Variants in PPM1L observed in about 807,000 individuals in gnomAD.
PPM1L encodes the protein protein phosphatase 1L.
PPM1L carries 13 observed loss-of-function variants against 31.4 expected under a neutral mutation model. The ratio of observed to expected loss-of-function variants is 0.41; its 90% CI spans 0.27 to 0.66. PPM1L has a LOEUF of 0.66. Ranked by LOEUF, PPM1L falls within the 30% of genes least tolerant of loss-of-function variation. The pLI, the probability that PPM1L is intolerant of heterozygous loss-of-function variation, is 0.29. For missense variants in PPM1L, 326 were observed against 453.7 expected (o/e 0.72, Z 2.56); for synonymous variants, 184 against 175.4 (o/e 1.05, Z -0.39).
chr3:160,792,644 A>T (rs959879231), intron 1 of PPM1L, among the ~76,000 whole-genome samples: 1 of 152,220 alleles, frequency 6.6e-6, no homozygotes, highest in African/African-American at 2.4e-5. Context: ...AGTCGTCCCT[A>T]AGGCTCTTCT....
intron 2 of PPM1L, among the ~76,000 whole-genome samples, chr3:160,988,988 A>G (rs1046047621): frequency 6.6e-6 from 1 of 152,192 alleles, no homozygotes; most frequent in African/African-American, 2.4e-5. Context: ...AGATCAAACC[A>G]TAGCCAGCTG....
At chr3:161,026,413 C>T (rs1222732576) in intron 2 of PPM1L, among the ~76,000 whole-genome samples, 6 of 152,106 alleles carry the variant, frequency 3.9e-5, no homozygotes, top group Admixed American at 2.0e-4. Flanking sequence ...TAAAAGTTGA[C>T]GGCCGGGCGT....
intron 1 of PPM1L, among the ~76,000 whole-genome samples, chr3:160,814,433 A>G (rs1484257601): frequency 6.6e-6 from 1 of 151,994 alleles, no homozygotes; most frequent in East Asian, 1.9e-4. Context: ...ACCAGCCCAA[A>G]TGCCTATCTA....
intron 2 of PPM1L, among the ~76,000 whole-genome samples, chr3:161,025,863 G>A (rs1718372423): frequency 6.6e-6 from 1 of 152,066 alleles, no homozygotes; most frequent in Non-Finnish European, 1.5e-5. Context: ...GATTCACTAG[G>A]AAATTAATAG....
intron 2 of PPM1L, among the ~76,000 whole-genome samples, chr3:161,058,051 G>A (rs916351966): frequency 6.7e-6 from 1 of 148,402 alleles, no homozygotes; most frequent in South Asian, 2.1e-4. Context: ...TTCCAGAGAG[G>A]TTAAGTATAT....
chr3:160,768,483 C>A (rs1188121003), intron 1 of PPM1L, among the ~76,000 whole-genome samples: 1 of 152,006 alleles, frequency 6.6e-6, no homozygotes, highest in Non-Finnish European at 1.5e-5. Flanking sequence ...TTTTTCTCTT[C>A]CCCCAAAATT....
intron 1 of PPM1L, among the ~76,000 whole-genome samples, chr3:160,861,089 G>T (rs970382405): frequency 3.3e-5 from 5 of 152,300 alleles, no homozygotes; most frequent in Non-Finnish European, 5.9e-5. Context: ...AGGTTGAAAG[G>T]TTCAAAGTGG....
At chr3:161,067,287 C>T (rs144918551) in intron 3 of PPM1L, among the ~76,000 whole-genome samples, 280 of 152,258 alleles carry the variant, frequency 1.8e-3, no homozygotes, top group Non-Finnish European at 2.8e-3. Context: ...ATTTGCACAC[C>T]GTCTCCAAGG....
chr3:160,781,900 G>A (rs1711757680), intron 1 of PPM1L, among the ~76,000 whole-genome samples: 2 of 152,132 alleles, frequency 1.3e-5, no homozygotes, highest in South Asian at 4.1e-4. Flanking sequence ...GCCCAGCAGT[G>A]GCTCTGCTAA....
chr3:160,947,166 A>G (rs2044571), intron 1 of PPM1L, among the ~76,000 whole-genome samples: 42,311 of 152,026 alleles, frequency 0.28, 6,315 homozygotes, highest in East Asian at 0.6. Context: ...AACCCATTTT[A>G]ATGAAAAGAA....
rs149918185 is a variant in PPM1L, at chr3:160,892,568, T to C, written c.400-69168T>C. Reference sequence around the variant, plus strand: ...TCTGTTTCTAAGCTTAACTTTGATATGAATAATTTAAACACACATGAATGT... The same window carrying C: ...TCTGTTTCTAAGCTTAACTTTGATACGAATAATTTAAACACACATGAATGT... On this transcript the variant is annotated intron_variant, in intron 1 of 3. Transcript: ENST00000498165. Among the ~76,000 whole-genome samples the C allele has an allele frequency of 4.0e-4, 61 of 152,240 alleles. No homozygotes were observed. In the East Asian group the frequency reaches 0.01, roughly 26 times the overall value.
At chr3:160,792,427 G>A (rs1712132967) in intron 1 of PPM1L, among the ~76,000 whole-genome samples, 1 of 152,122 alleles carries the variant, frequency 6.6e-6, no homozygotes, top group South Asian at 2.1e-4. Flanking sequence ...ATTTTAGAAT[G>A]GTTTTAGGTT....
At chr3:160,973,960 C>T (rs1294442009) in intron 2 of PPM1L, among the ~76,000 whole-genome samples, 3 of 148,250 alleles carry the variant, frequency 2.0e-5, no homozygotes, top group Non-Finnish European at 4.5e-5. Flanking sequence ...CATGCTGGTG[C>T]GCTGGACCCA....
chr3:160,913,666 A>G (rs1714049052), intron 1 of PPM1L, among the ~76,000 whole-genome samples: 1 of 152,146 alleles, frequency 6.6e-6, no homozygotes, highest in Admixed American at 6.6e-5. Flanking sequence ...GTACTCTTAT[A>G]TCTGGCTTTT....
At chr3:161,060,798 C>T (rs781378777) in intron 2 of PPM1L, among the ~76,000 whole-genome samples, 4 of 147,754 alleles carry the variant, frequency 2.7e-5, no homozygotes, top group South Asian at 2.1e-4. Flanking sequence ...TTTCCAAGAT[C>T]TCTTTCAGAT....
chr3:160,799,467 T>G (rs1712359179), intron 1 of PPM1L, among the ~76,000 whole-genome samples: 1 of 152,242 alleles, frequency 6.6e-6, no homozygotes, highest in Non-Finnish European at 1.5e-5. Flanking sequence ...TAAACTAGTT[T>G]TAATTAAGAT....
intron 1 of PPM1L, among the ~76,000 whole-genome samples, chr3:160,855,952 A>C (rs1364790153): frequency 6.6e-6 from 1 of 152,146 alleles, no homozygotes; most frequent in African/African-American, 2.4e-5. Context: ...ACACGATCAC[A>C]AAGTGAGGTC....
intron 2 of PPM1L, among the ~76,000 whole-genome samples, chr3:160,964,309 AAC>A: frequency 8.0e-6 from 1 of 125,706 alleles, no homozygotes; most frequent in Non-Finnish European, 2.0e-5. Flanking sequence ...ACAGTCAATC[AAC>A]ACATATTTTG....
At chr3:161,021,373 C>G (rs551311956) in intron 2 of PPM1L, among the ~76,000 whole-genome samples, 1 of 151,872 alleles carries the variant, frequency 6.6e-6, no homozygotes, top group Admixed American at 6.6e-5. Flanking sequence ...TAATTTCATT[C>G]GTTTGTGGTC....
Sources: gnomAD v4.1 joint callset for allele counts (sites outside exome capture counted in the v4.1 genomes callset) on GRCh38, gnomAD v4.1.1 for gene constraint, MANE v1.5 for transcripts, NCBI Gene and HGNC (gene_info 2026-07-23, HGNC 2026-07-21) for gene names.